The following ATP7A variants were observed in gnomAD, a reference collection of about 807,000 sequenced individuals.
ATP7A encodes copper-transporting ATPase 1.
In ATP7A, 7 loss-of-function variants were observed where a neutral mutation model predicts 83.5. The observed-to-expected ratio is 0.08, with a 90% CI of 0.05 to 0.16. The LOEUF is 0.16. Ranked by LOEUF, ATP7A falls within the 10% of genes least tolerant of loss-of-function variation. The pLI is 1.00. For synonymous variants in ATP7A, 354 were observed against 395.2 expected (o/e 0.90, Z 1.24); for missense variants, 940 against 1,120.8 (o/e 0.84, Z 2.30).
chrX:77,992,343 G>A (rs902308088), intron 4 of ATP7A, among the ~76,000 whole-genome samples: 6 of 110,556 alleles, frequency 5.4e-5, no homozygotes, highest in Admixed American at 9.7e-5. Context: ...GATTACAGGC[G>A]TGAGCCACCA....
intron 18 of ATP7A, 117 bp downstream of exon 18, chrX:78,039,099 A>G: frequency 1.2e-6 from 1 of 817,794 alleles, no homozygotes; most frequent in Non-Finnish European, 1.7e-6. Context: ...TGAATGCAAA[A>G]TGAAAATGTC....
chrX:77,990,450 T>G (rs1314903925), intron 4 of ATP7A, among the ~76,000 whole-genome samples: 1 of 112,072 alleles, frequency 8.9e-6, no homozygotes, highest in Non-Finnish European at 1.9e-5. Context: ...TGATTTTTGT[T>G]TCCATTGTGT....
At position 77,988,749 on chromosome X, in the gene ATP7A, G is replaced by T. The variant is rs1557231674; in HGVS notation, c.610+18G>T. 1 of 1,210,626 alleles carries T rather than the reference G, an allele frequency of 8.3e-7. No homozygotes were observed. The highest frequency in any genetic ancestry group is 1.7e-5 in the African/African-American group (1 of 57,857). Reference sequence around the variant, plus strand: ...AATTAAAGGTAATGTGTCTGGTGTTGATTGTTTTGTAAGGCTTAGGTGTCT... The same window carrying T: ...AATTAAAGGTAATGTGTCTGGTGTTTATTGTTTTGTAAGGCTTAGGTGTCT... On this transcript the variant is annotated intron_variant, in intron 3 of 22. Transcript: ENST00000341514.
chrX:77,956,781 TTCTTTC>T (rs1345681598), intron 1 of ATP7A, among the ~76,000 whole-genome samples: 2 of 102,334 alleles, frequency 2.0e-5, no homozygotes, highest in Non-Finnish European at 4.0e-5. Flanking sequence ...CTTTCTTTCT[TTCTTTC>T]TCTTTCTTTC....
intron 12 of ATP7A, 147 bp from the exon 13 acceptor site, chrX:78,020,097 A>AC: frequency 1.5e-6 from 1 of 679,299 alleles, no homozygotes; most frequent in South Asian, 2.6e-5. Context: ...TAGAACTGAT[A>AC]TAAGGAAAAA....
chrX:77,973,774 T>C (rs557564137), intron 2 of ATP7A, among the ~76,000 whole-genome samples: 2 of 112,001 alleles, frequency 1.8e-5, no homozygotes, highest in South Asian at 7.2e-4. Flanking sequence ...TCGTTGAGAT[T>C]GTGTTGATTC....
At position 77,989,554 on chromosome X, in the gene ATP7A, C is replaced by A. The variant is rs782396230; in HGVS notation, c.932C>A (p.Ser311Tyr). Residue 311 changes from serine (S) to tyrosine (Y), a missense_variant, in exon 4 of 23, where the codon TCT becomes TAT. By Grantham distance (144) the Ser-to-Tyr change is moderately radical. Around this residue, in one of 3 missense-constraint regions of ATP7A, gnomAD observed 350 missense variants for 432.8 expected, o/e 0.81. Coordinates refer to ENST00000341514, the MANE Select transcript of ATP7A (RefSeq NM_000052.7). ...ALQYVSSIVV[S>Y]LENRSAIVKY... ...CAATATGTAAGCAGCATAGTAGTTT[C>A]TTTAGAGAATAGGTCTGCCATTGTG... 2 of 1,211,541 alleles carry A rather than the reference C, an allele frequency of 1.7e-6. No homozygotes were observed. The highest frequency in any genetic ancestry group is 3.5e-5 in the South Asian group (2 of 57,001).
intron 1 of ATP7A, chrX:77,969,602 C>A: frequency 8.3e-7 from 1 of 1,211,926 alleles, no homozygotes; most frequent in Non-Finnish European, 1.1e-6. Flanking sequence ...CATGTGCTCT[C>A]GCCGTGCCGG....
rs782299586 is a variant in ATP7A at position 78,011,184 on chromosome X, T to C, written c.1878T>C (p.Gly626=). Residue 626 remains glycine (G), a synonymous_variant, in exon 8 of 23, where the codon GGT becomes GGC. Transcript: ENST00000341514. ...CTCATGAATTTCCTTAGAGCTTAGG[T>C]TTTGAAGCTTCTTTGGTCAAGAAGG... is the stretch of plus-strand genomic sequence containing the variant. ...RDIIHTIESL[G]FEASLVKKDR... 4 of 1,208,963 alleles carry C rather than the reference T, an allele frequency of 3.3e-6. No individual in the cohort carries two copies. Among genetic ancestry groups the C allele is most frequent in the Non-Finnish European group, 2.2e-6 (2 of 893,276 alleles).
At chrX:77,988,793 T>G (rs957521321) in intron 3 of ATP7A, 62 bp downstream of exon 3, 140 of 1,191,064 alleles carry the variant, frequency 1.2e-4, no homozygotes, top group Middle Eastern at 2.3e-4. Context: ...CTTTTAACTT[T>G]TTGCTTTCTT....
chrX:77,967,364 CA>C (rs1486101527), intron 1 of ATP7A, among the ~76,000 whole-genome samples: 2 of 112,064 alleles, frequency 1.8e-5, no homozygotes, highest in Non-Finnish European at 3.8e-5. Flanking sequence ...TTCACATTCC[CA>C]CCAACAGTGT....
intron 11 of ATP7A, among the ~76,000 whole-genome samples, chrX:78,015,283 GT>G (rs782145332): frequency 8.9e-6 from 1 of 111,879 alleles, no homozygotes; most frequent in African/African-American, 3.2e-5. Flanking sequence ...ATAGCCATCA[GT>G]TGTTCTGTAG....
chrX:77,990,774 G>T (rs782290414), intron 4 of ATP7A, among the ~76,000 whole-genome samples: 2 of 111,919 alleles, frequency 1.8e-5, no homozygotes, highest in South Asian at 7.2e-4. Context: ...ATGCCCAAAT[G>T]AAATTTTTTG....
At chrX:78,003,013 T>G (rs1214609113) in intron 5 of ATP7A, 60 bp from the exon 6 acceptor site, 12 of 1,062,319 alleles carry the variant, frequency 1.1e-5, no homozygotes, top group African/African-American at 3.7e-5. Context: ...GAAGTAATTA[T>G]AACATTACTC....
chrX:77,986,045 A>T (rs1342913056), intron 2 of ATP7A, among the ~76,000 whole-genome samples: 8 of 112,126 alleles, frequency 7.1e-5, no homozygotes, highest in Admixed American at 3.8e-4. Flanking sequence ...TATATGTCTC[A>T]ACTATACGTG....
At chrX:77,958,053 TG>T (rs1214823577) in intron 1 of ATP7A, among the ~76,000 whole-genome samples, 4 of 110,421 alleles carry the variant, frequency 3.6e-5, no homozygotes, top group Admixed American at 1.9e-4. Context: ...CAAGATATGG[TG>T]GGGGGTTTTT....
intron 16 of ATP7A, 58 bp from the exon 17 acceptor site, chrX:78,033,547 A>T (rs2077995218): frequency 1.8e-6 from 2 of 1,097,324 alleles, no homozygotes; most frequent in Middle Eastern, 2.4e-4. Flanking sequence ...TATCTTGCTA[A>T]TGAATGACCT....
chrX:78,030,468 T>C (rs1172135572), intron 15 of ATP7A, among the ~76,000 whole-genome samples: 1 of 110,439 alleles, frequency 9.1e-6, no homozygotes, highest in Admixed American at 9.7e-5. Flanking sequence ...AACTCCTATA[T>C]GCCCTTTACT....
chrX:77,937,800 G>A (rs1336360672), intron 1 of ATP7A, among the ~76,000 whole-genome samples: 1 of 109,641 alleles, frequency 9.1e-6, no homozygotes, highest in Non-Finnish European at 1.9e-5. Context: ...AGGGTTTGGG[G>A]GTATAGGGAA....
Sources: allele counts gnomAD v4.1 joint callset (sites outside exome capture counted in the v4.1 genomes callset), GRCh38; gene constraint gnomAD v4.1.1; regional missense constraint gnomAD v4.1.1; transcripts MANE v1.5; gene names NCBI Gene and HGNC (gene_info 2026-07-23, HGNC 2026-07-21).